The following SLC22A14 variants were observed in gnomAD, a reference collection of about 807,000 sequenced individuals.
The protein encoded by SLC22A14 is solute carrier family 22 member 14, also known as organic cation transporter-like 4.
A neutral mutation model predicts 53.9 loss-of-function variants in SLC22A14; 50 were observed. The ratio of observed to expected loss-of-function variants is 0.93; its 90% confidence interval spans 0.74 to 1.17. SLC22A14 has a LOEUF of 1.17. SLC22A14 is among the 50% of genes most tolerant of loss of function. The probability of loss-of-function intolerance (pLI) is 0.00; values close to 1 mark genes in which losing one functional copy is unlikely to be tolerated. For synonymous variants in SLC22A14, 312 were observed against 303.0 expected (o/e 1.03, Z -0.31); for missense variants, 671 against 734.7 (o/e 0.91, Z 1.00).
intron 10 of SLC22A14, 131 bp from the exon 11 acceptor site, chr3:38,318,067 G>C (rs891688201): frequency 4.0e-5 from 31 of 770,194 alleles, no homozygotes; most frequent in African/African-American, 6.9e-5. Context: ...GCTCGGCTGG[G>C]GACCTGCCGG....
intron 1 of SLC22A14, among the ~76,000 whole-genome samples, chr3:38,296,245 T>C (rs1704034350): frequency 1.3e-5 from 2 of 152,174 alleles, no homozygotes; most frequent in African/African-American, 2.4e-5. Flanking sequence ...TGCTGGGAGT[T>C]CGGGATGACA....
intron 1 of SLC22A14, among the ~76,000 whole-genome samples, chr3:38,290,339 A>G (rs1005487485): frequency 1.1e-4 from 17 of 152,240 alleles, no homozygotes; most frequent in Non-Finnish European, 2.1e-4. Context: ...GTGGGCTAGC[A>G]GGCCAGTCCA....
rs987353043 is a variant in SLC22A14, at chr3:38,316,667, C to T, written c.1733+143C>T. 9.8e-6 allele frequency: 7 copies of T among 716,430 alleles called. 1 individual carries two copies. Among genetic ancestry groups the T allele is most frequent in the East Asian group, 2.7e-5 (1 of 36,964 alleles). The allele number at this position is 716,430 out of a possible 1,614,324, so 44.4% of individuals were successfully genotyped here. ...AAGGCTGCCATGTCCGCAGCAGTCT[C>T]TCCGCTCCTCTGGCTGCTGCTGTCT... On this transcript the variant is annotated intron_variant, in intron 10 of 10. Coordinates refer to ENST00000448498, the MANE Select transcript of SLC22A14 (RefSeq NM_001320033.2).
upstream of SLC22A14, among the ~76,000 whole-genome samples, chr3:38,279,573 G>A (rs752114565): frequency 6.6e-6 from 1 of 152,150 alleles, no homozygotes; most frequent in African/African-American, 2.4e-5. Flanking sequence ...GAGCCACCAT[G>A]CCTGGTCCCT....
At chr3:38,291,992 C>G (rs1703923505) in intron 1 of SLC22A14, among the ~76,000 whole-genome samples, 1 of 152,198 alleles carries the variant, frequency 6.6e-6, no homozygotes, top group Non-Finnish European at 1.5e-5. Flanking sequence ...CACTGAGGGT[C>G]CTGGTGCCTT....
At chr3:38,279,028 C>G (rs1040941602), upstream of SLC22A14, among the ~76,000 whole-genome samples, 1 of 152,158 alleles carries the variant, frequency 6.6e-6, no homozygotes, top group Non-Finnish European at 1.5e-5. Context: ...GTTTCAGTCT[C>G]TCTTCTCACA....
At chr3:38,312,652 G>A (rs958490215) in intron 5 of SLC22A14, among the ~76,000 whole-genome samples, 3 of 152,214 alleles carry the variant, frequency 2.0e-5, no homozygotes, top group African/African-American at 7.2e-5. Context: ...GGGCATGGAG[G>A]TCGGAGCCCT....
rs75044694 is a variant in SLC22A14, at chr3:38,306,923, C to T, written c.517-331C>T. 3.9e-3 allele frequency among the ~76,000 whole-genome samples: 600 copies of T among 152,294 alleles called. 1 individual carries two copies. The highest frequency in any genetic ancestry group is 0.014 in the Middle Eastern group (4 of 294). On this transcript the variant is annotated intron_variant, in intron 2 of 10. Transcript: ENST00000448498. Reference sequence around the variant, plus strand: ...AATCTAGGCCCTTTACAACACAGACCGCCCTAGCATGAATCTGCAGGTTGG... The same window carrying T: ...AATCTAGGCCCTTTACAACACAGACTGCCCTAGCATGAATCTGCAGGTTGG...
intron 7 of SLC22A14, 32 bp from the exon 8 acceptor site, chr3:38,313,695 T>TGTGTGCGC (rs764031077): frequency 1.2e-5 from 16 of 1,339,426 alleles, no homozygotes; most frequent in African/African-American, 1.8e-5. Flanking sequence ...TGCGCGCGTG[T>TGTGTGCGC]GCACGCGCAC....
chr3:38,301,933 A>C (rs1205866034), intron 1 of SLC22A14, among the ~76,000 whole-genome samples: 1 of 151,580 alleles, frequency 6.6e-6, no homozygotes, highest in Non-Finnish European at 1.5e-5. Flanking sequence ...AAATATAAGT[A>C]TTTATATATT....
At position 38,316,459 on chromosome 3, in the gene SLC22A14, C is replaced by T; in HGVS notation, c.1668C>T (p.Ser556=). 1.2e-6 allele frequency: 2 copies of T among 1,614,180 alleles called. No homozygotes were observed. The highest frequency in any genetic ancestry group is 8.5e-7 in the Non-Finnish European group (1 of 1,179,992). The change falls in exon 10 of 11, where the codon TCC becomes TCT. Residue 556 remains serine (S), a synonymous_variant. Coordinates refer to ENST00000448498, the MANE Select transcript of SLC22A14 (RefSeq NM_001320033.2). ...CVLAIVAFSL[S]SLLPETRDQP... is the part of the protein sequence containing the mutation. The stretch of plus-strand genomic sequence containing the variant: ...TAGCCATCGTGGCCTTTTCCCTCTC[C>T]TCCCTGCTGCCGGAAACGCGAGATC...
intron 5 of SLC22A14, among the ~76,000 whole-genome samples, chr3:38,309,828 A>G (rs1056731055): frequency 3.9e-5 from 6 of 152,214 alleles, no homozygotes; most frequent in African/African-American, 1.4e-4. Context: ...AGGGTTAGGC[A>G]GTTCTGCATG....
At chr3:38,310,419 C>T (rs1251591806) in intron 5 of SLC22A14, among the ~76,000 whole-genome samples, 1 of 152,140 alleles carries the variant, frequency 6.6e-6, no homozygotes, top group Non-Finnish European at 1.5e-5. Context: ...TTTAATCTTA[C>T]ATCAGATCCA....
intron 10 of SLC22A14, 113 bp downstream of exon 10, chr3:38,316,637 A>G: frequency 1.1e-6 from 1 of 937,778 alleles, no homozygotes; most frequent in South Asian, 1.6e-5. Flanking sequence ...AGAGCCTGTG[A>G]CTCGAAGGCT....
At chr3:38,315,435 ACTC>A in intron 8 of SLC22A14, 120 bp from the exon 9 acceptor site, 1 of 1,024,238 alleles carries the variant, frequency 9.8e-7, no homozygotes, top group Middle Eastern at 3.1e-4. Flanking sequence ...ACAACCTGCC[ACTC>A]CTCTGACAGA....
At chr3:38,294,084 C>A (rs1703971800) in intron 1 of SLC22A14, among the ~76,000 whole-genome samples, 1 of 152,034 alleles carries the variant, frequency 6.6e-6, no homozygotes, top group Non-Finnish European at 1.5e-5. Flanking sequence ...GAATTCTCCT[C>A]CTCCTACTGC....
chr3:38,315,910 C>T (rs1575426488), intron 9 of SLC22A14, among the ~76,000 whole-genome samples, 199 bp downstream of exon 9: 1 of 152,238 alleles, frequency 6.6e-6, no homozygotes, highest in Admixed American at 6.5e-5. Flanking sequence ...CAAGACCAGA[C>T]AGATAAAGGC....
intron 10 of SLC22A14, 127 bp from the exon 11 acceptor site, chr3:38,318,071 C>A (rs1704669800): frequency 1.2e-6 from 1 of 807,910 alleles, no homozygotes; most frequent in South Asian, 1.6e-5. Context: ...GGCTGGGGAC[C>A]TGCCGGAGTG....
chr3:38,303,808 C>A (rs1393799068), intron 1 of SLC22A14: 1 of 151,974 alleles, frequency 6.6e-6, no homozygotes, highest in Non-Finnish European at 1.5e-5. Flanking sequence ...TGTGTGTCAT[C>A]CTTGTGCAGA....
Sources: gnomAD v4.1 joint callset for allele counts (sites outside exome capture counted in the v4.1 genomes callset) on GRCh38, gnomAD v4.1.1 for gene constraint, MANE v1.5 for transcripts, NCBI Gene and HGNC (gene_info 2026-07-23, HGNC 2026-07-21) for gene names.